SLC24A2: variants seen among roughly 807,000 people sequenced by gnomAD.
SLC24A2 encodes the protein solute carrier family 24 member 2, also known as sodium/potassium/calcium exchanger 2.
Under a neutral mutation model 62.0 loss-of-function variants are expected in SLC24A2, and 36 were observed. The observed-to-expected ratio is 0.58, with a 90% CI of 0.44 to 0.77. The LOEUF is 0.77. SLC24A2 is among the 30% of genes least tolerant of loss of function. The pLI is 0.00. For missense variants in SLC24A2, 846 were observed against 817.9 expected, an observed-to-expected ratio of 1.03 and a Z score of -0.42; for synonymous variants, 358 against 294.0, an observed-to-expected ratio of 1.22 and a Z score of -2.23.
At chr9:19,954,448 T>C in the SLC24A2 span, among the ~76,000 whole-genome samples, 2 of 152,044 alleles carry the variant, frequency 1.3e-5, no homozygotes, top group African/African-American at 4.8e-5. Flanking sequence ...GTACCAATAG[T>C]AATTGGGAAA....
chr9:19,522,913 T>A (rs56046476), intron 9 of SLC24A2, among the ~76,000 whole-genome samples: 1 of 152,228 alleles, frequency 6.6e-6, no homozygotes, highest in African/African-American at 2.4e-5. Context: ...GAGTGAAGCA[T>A]TGCCAAAGAC....
chr9:19,797,640 G>A, the SLC24A2 span, among the ~76,000 whole-genome samples: 1 of 152,192 alleles, frequency 6.6e-6, no homozygotes, highest in Admixed American at 6.5e-5. Context: ...CTTCTCTGAA[G>A]TATTTGTGTT....
the SLC24A2 span, among the ~76,000 whole-genome samples, chr9:20,075,773 C>T: frequency 2.0e-5 from 3 of 152,118 alleles, no homozygotes; most frequent in African/African-American, 7.2e-5. Context: ...AAAAAATGGC[C>T]TACTTTCTAC....
intron 8 of SLC24A2, among the ~76,000 whole-genome samples, chr9:19,542,211 C>T (rs186717432): frequency 7.2e-5 from 11 of 152,282 alleles, no homozygotes; most frequent in East Asian, 5.8e-4. Flanking sequence ...TGTTCCTATT[C>T]GGCCATCTTG....
At chr9:19,880,429 T>C in the SLC24A2 span, among the ~76,000 whole-genome samples, 1 of 152,204 alleles carries the variant, frequency 6.6e-6, no homozygotes, top group African/African-American at 2.4e-5. Flanking sequence ...ATAATTACCA[T>C]TGGCTTGGAC....
At chr9:20,162,455 C>A in the SLC24A2 span, among the ~76,000 whole-genome samples, 16 of 152,100 alleles carry the variant, frequency 1.1e-4, 1 homozygote, top group East Asian at 3.1e-3. Context: ...CTGAATAGAA[C>A]AATAACAGGC....
At chr9:19,992,993 C>A in the SLC24A2 span, among the ~76,000 whole-genome samples, 1 of 152,130 alleles carries the variant, frequency 6.6e-6, no homozygotes, top group Non-Finnish European at 1.5e-5. Flanking sequence ...CTAATGTCAG[C>A]CTTATTTTTT....
intron 7 of SLC24A2, 33 bp downstream of exon 7, chr9:19,573,318 A>G (rs1179307192): frequency 5.0e-6 from 7 of 1,398,904 alleles, no homozygotes; most frequent in Admixed American, 1.7e-5. Flanking sequence ...GTTAAGAACA[A>G]CAGCCCAGAA....
chr9:19,690,979 A>C (rs1338337889), intron 2 of SLC24A2, among the ~76,000 whole-genome samples: 1 of 152,086 alleles, frequency 6.6e-6, no homozygotes, highest in African/African-American at 2.4e-5. Context: ...GCAAAAGAAA[A>C]AGACAGTGTC....
the SLC24A2 span, among the ~76,000 whole-genome samples, chr9:20,307,114 G>A: frequency 1.7e-3 from 256 of 152,220 alleles, 2 homozygotes; most frequent in African/African-American, 5.8e-3. Flanking sequence ...TTAAAGGGAA[G>A]GTTTATATAA....
At chr9:20,106,741 C>G in the SLC24A2 span, among the ~76,000 whole-genome samples, 21 of 152,124 alleles carry the variant, frequency 1.4e-4, no homozygotes, top group South Asian at 8.3e-4. Context: ...CAGCCAATAC[C>G]ATACTGAATG....
the SLC24A2 span, among the ~76,000 whole-genome samples, chr9:20,160,828 T>C: frequency 6.7e-6 from 1 of 149,926 alleles, no homozygotes; most frequent in African/African-American, 2.4e-5. Flanking sequence ...AAAATAATTA[T>C]AATTTCTAAC....
At chr9:20,085,988 C>G in the SLC24A2 span, among the ~76,000 whole-genome samples, 1 of 152,076 alleles carries the variant, frequency 6.6e-6, no homozygotes, top group Non-Finnish European at 1.5e-5. Context: ...GCAGGATTTT[C>G]TGCCCAGAAA....
the SLC24A2 span, among the ~76,000 whole-genome samples, chr9:19,985,701 C>A: frequency 6.6e-6 from 1 of 152,036 alleles, no homozygotes; most frequent in Admixed American, 6.6e-5. Flanking sequence ...TCAAATCTTA[C>A]ACAAAATTTG....
the SLC24A2 span, among the ~76,000 whole-genome samples, chr9:19,912,682 A>G: frequency 6.6e-6 from 1 of 152,176 alleles, no homozygotes; most frequent in Non-Finnish European, 1.5e-5. Flanking sequence ...ATGTTCACAA[A>G]GACAAAACAA....
the SLC24A2 span, among the ~76,000 whole-genome samples, chr9:20,206,181 T>G: frequency 6.6e-6 from 1 of 152,226 alleles, no homozygotes; most frequent in Non-Finnish European, 1.5e-5. Context: ...TTGTCAAGTT[T>G]TGGCATCATG....
chr9:19,778,461 G>GA (rs11444468), intron 2 of SLC24A2, among the ~76,000 whole-genome samples: 7,925 of 150,288 alleles, frequency 0.053, 669 homozygotes, highest in East Asian at 0.41. Context: ...AAGCAAATAA[G>GA]AAAAAAAAAA....
At chr9:20,252,166 T>C in the SLC24A2 span, among the ~76,000 whole-genome samples, 1 of 152,200 alleles carries the variant, frequency 6.6e-6, no homozygotes, top group Non-Finnish European at 1.5e-5. Flanking sequence ...CTATGGACAA[T>C]GAGAAGATCA....
Position 19,522,470 on chromosome 9 carries a change from G to T in SLC24A2, c.1570-1410C>A, listed in dbSNP as rs552086477. On this transcript the variant is annotated intron_variant, in intron 9 of 10. Transcript: ENST00000341998. Reference sequence around the variant, plus strand: ...AGCATATAAGAATAAAGCCTTTTAGGGAATAGAATACACTCATTTCTAAAT... The same window carrying T: ...AGCATATAAGAATAAAGCCTTTTAGTGAATAGAATACACTCATTTCTAAAT... Among the ~76,000 whole-genome samples, 81 of 152,102 alleles carry T rather than the reference G, an allele frequency of 5.3e-4. 1 individual carries two copies. The highest frequency in any genetic ancestry group is 1.8e-3 in the African/African-American group (76 of 41,500).
Sources: allele counts gnomAD v4.1 joint callset (sites outside exome capture counted in the v4.1 genomes callset), GRCh38; gene constraint gnomAD v4.1.1; transcripts MANE v1.5; gene names NCBI Gene and HGNC (gene_info 2026-07-23, HGNC 2026-07-21).